SUGCT: variants seen among roughly 807,000 people sequenced by gnomAD.
The protein encoded by SUGCT is succinyl-CoA:glutarate-CoA transferase.
Under a neutral mutation model 55.0 loss-of-function variants are expected in SUGCT, and 41 were observed. The observed-to-expected ratio is 0.74, with a 90% CI of 0.58 to 0.97. The LOEUF (loss-of-function observed/expected upper bound fraction) is 0.97. Ranked by LOEUF, SUGCT falls within the 50% of genes least tolerant of loss-of-function variation. The pLI, the probability that SUGCT is intolerant of heterozygous loss-of-function variation, is 0.00. For missense variants in SUGCT, 568 were observed against 547.8 expected (o/e 1.04, Z -0.37); for synonymous variants, 187 against 200.4 (o/e 0.93, Z 0.56).
chr7:40,938,324 C>T, the SUGCT span, among the ~76,000 whole-genome samples: 1 of 150,512 alleles, frequency 6.6e-6, no homozygotes, highest in Admixed American at 6.7e-5. Context: ...TTCGTTACTG[C>T]CTTCTTTTGT....
At chr7:40,136,881 C>CA (rs1180101772) in intron 1 of SUGCT, among the ~76,000 whole-genome samples, 1 of 152,020 alleles carries the variant, frequency 6.6e-6, no homozygotes, top group Non-Finnish European at 1.5e-5. Context: ...CCTGTAGTCC[C>CA]AGTTGCTTGG....
At chr7:40,588,485 GT>G (rs1797529271) in intron 12 of SUGCT, among the ~76,000 whole-genome samples, 1 of 152,070 alleles carries the variant, frequency 6.6e-6, no homozygotes, top group Non-Finnish European at 1.5e-5. Context: ...GGTTATCTGT[GT>G]TTTATAATTG....
chr7:40,611,204 C>T (rs1344537457), intron 12 of SUGCT, among the ~76,000 whole-genome samples: 1 of 152,030 alleles, frequency 6.6e-6, no homozygotes, highest in African/African-American at 2.4e-5. Context: ...TTTCATTTTC[C>T]AACACTGAAA....
intron 13 of SUGCT, among the ~76,000 whole-genome samples, chr7:40,758,882 T>TA (rs1158907706): frequency 6.6e-6 from 1 of 152,148 alleles, no homozygotes; most frequent in Non-Finnish European, 1.5e-5. Flanking sequence ...CTAATCTGCT[T>TA]ACAACCCTTG....
the SUGCT span, among the ~76,000 whole-genome samples, chr7:40,871,240 C>T: frequency 4.6e-5 from 7 of 152,194 alleles, no homozygotes; most frequent in South Asian, 2.1e-4. Flanking sequence ...TTTAAAACCA[C>T]GTGCCATTTC....
intron 12 of SUGCT, among the ~76,000 whole-genome samples, chr7:40,598,981 A>C (rs1455496937): frequency 6.6e-6 from 1 of 152,198 alleles, no homozygotes; most frequent in East Asian, 1.9e-4. Context: ...CCACGATTCT[A>C]AACTTAATGG....
intron 12 of SUGCT, among the ~76,000 whole-genome samples, chr7:40,692,087 T>C (rs1370579939): frequency 6.6e-6 from 1 of 152,196 alleles, no homozygotes; most frequent in Non-Finnish European, 1.5e-5. Flanking sequence ...TCACCTATCC[T>C]AGTCACTCGT....
intron 12 of SUGCT, among the ~76,000 whole-genome samples, chr7:40,618,599 T>A (rs1799118889): frequency 6.6e-6 from 1 of 152,240 alleles, no homozygotes; most frequent in African/African-American, 2.4e-5. Flanking sequence ...TGGCATTTGC[T>A]AGCTATTTTC....
intron 13 of SUGCT, among the ~76,000 whole-genome samples, chr7:40,798,316 T>C (rs1453988904): frequency 6.6e-6 from 1 of 152,230 alleles, no homozygotes; most frequent in East Asian, 1.9e-4. Flanking sequence ...TGATTAATTA[T>C]GACAAAAGAA....
chr7:40,365,030 C>T (rs1240349320), intron 9 of SUGCT, among the ~76,000 whole-genome samples: 4 of 152,060 alleles, frequency 2.6e-5, no homozygotes, highest in Non-Finnish European at 4.4e-5. Context: ...ACTGGCAAAC[C>T]GAATCCAGCA....
chr7:40,340,735 C>G (rs1044459369), intron 9 of SUGCT, among the ~76,000 whole-genome samples: 2 of 152,136 alleles, frequency 1.3e-5, no homozygotes, highest in African/African-American at 4.8e-5. Context: ...ACAAAAAGGA[C>G]TGCAATTCAG....
At chr7:40,339,701 G>A (rs768715575) in intron 9 of SUGCT, among the ~76,000 whole-genome samples, 5 of 152,220 alleles carry the variant, frequency 3.3e-5, no homozygotes, top group African/African-American at 4.8e-5. Flanking sequence ...TCCTGGGTGA[G>A]GTGATGCTTC....
intron 12 of SUGCT, among the ~76,000 whole-genome samples, chr7:40,579,255 A>G (rs1796946983): frequency 6.6e-6 from 1 of 152,176 alleles, no homozygotes; most frequent in South Asian, 2.1e-4. Flanking sequence ...TCATGCAGTT[A>G]CCAGCATCAT....
intron 9 of SUGCT, among the ~76,000 whole-genome samples, chr7:40,322,917 A>T (rs1795825922): frequency 6.6e-6 from 1 of 151,900 alleles, no homozygotes; most frequent in Admixed American, 6.6e-5. Flanking sequence ...GTGAGCTGTG[A>T]TTGCACCACT....
chr7:40,652,423 T>C (rs1800820819), intron 12 of SUGCT, among the ~76,000 whole-genome samples: 1 of 152,214 alleles, frequency 6.6e-6, no homozygotes, highest in Non-Finnish European at 1.5e-5. Context: ...ATTTGTGATA[T>C]CAAGGTTATG....
intron 12 of SUGCT, among the ~76,000 whole-genome samples, chr7:40,727,045 A>G (rs2128691632): frequency 6.6e-6 from 1 of 152,352 alleles, no homozygotes; most frequent in Middle Eastern, 3.4e-3. Flanking sequence ...CTGTCAAATA[A>G]TGACTAATAT....
chr7:40,148,983 T>C (rs929657872), intron 1 of SUGCT, among the ~76,000 whole-genome samples: 59 of 152,288 alleles, frequency 3.9e-4, no homozygotes, highest in African/African-American at 1.1e-3. Context: ...TGTTCTTCTT[T>C]GGTGGGTGAC....
chr7:40,535,020 GAAC>G (rs1388279400), intron 12 of SUGCT, among the ~76,000 whole-genome samples: 1 of 151,898 alleles, frequency 6.6e-6, no homozygotes, highest in Non-Finnish European at 1.5e-5. Context: ...TTTCATGGCA[GAAC>G]AAATTTGCAT....
intron 13 of SUGCT, among the ~76,000 whole-genome samples, chr7:40,784,132 G>A (rs1789898208): frequency 6.6e-6 from 1 of 152,074 alleles, no homozygotes; most frequent in Non-Finnish European, 1.5e-5. Flanking sequence ...AGAACCTAAT[G>A]TGGCACATTG....
Sources: gnomAD v4.1 joint callset for allele counts (sites outside exome capture counted in the v4.1 genomes callset) on GRCh38, gnomAD v4.1.1 for gene constraint, MANE v1.5 for transcripts, NCBI Gene and HGNC (gene_info 2026-07-23, HGNC 2026-07-21) for gene names.